Variants in MCU observed in about 807,000 individuals in gnomAD.
MCU encodes calcium uniporter protein, mitochondrial.
Under a neutral mutation model 45.2 loss-of-function variants are expected in MCU, and 12 were observed. That is an observed-to-expected ratio of 0.27 (90% CI 0.17 to 0.43). The LOEUF is 0.43. MCU is among the 20% of genes least tolerant of loss of function. The pLI, the probability that MCU is intolerant of heterozygous loss-of-function variation, is 1.00. For missense variants in MCU, 324 were observed against 436.7 expected, an observed-to-expected ratio of 0.74 and a Z score of 2.30; for synonymous variants, 160 against 165.1, an observed-to-expected ratio of 0.97 and a Z score of 0.24.
intron 1 of MCU, among the ~76,000 whole-genome samples, chr10:72,833,394 T>G (rs1364915579): frequency 6.6e-6 from 1 of 152,264 alleles, no homozygotes; most frequent in Non-Finnish European, 1.5e-5. Flanking sequence ...CTTACATTTC[T>G]GCATGCTCTT....
intron 2 of MCU, among the ~76,000 whole-genome samples, chr10:72,855,154 G>A (rs1845268277): frequency 6.6e-6 from 1 of 152,054 alleles, no homozygotes; most frequent in South Asian, 2.1e-4. Context: ...CAGGAGAATG[G>A]CTTGAACTCA....
rs1845794217 is a variant in MCU, at chr10:72,887,609, CAT to C, written c.*1788_*1789del. 6.6e-6 allele frequency: 1 copy of C among 152,658 alleles called. No individual in the cohort carries two copies. The highest frequency in any genetic ancestry group is 2.4e-5 in the African/African-American group (1 of 41,420). 9.5% of individuals were successfully genotyped at this position (152,658 alleles called of 1,614,324 possible). ...TTTAAACAAATAGCAAACTATTGAA[CAT>C]GTGTAAAATCCTGTATCATTTATGA... On this transcript the variant is annotated 3_prime_UTR_variant, in exon 8 of 8. Transcript: ENST00000373053.
At chr10:72,773,122 C>T (rs187064993) in intron 1 of MCU, among the ~76,000 whole-genome samples, 133 of 152,206 alleles carry the variant, frequency 8.7e-4, no homozygotes, top group African/African-American at 3.1e-3. Context: ...GTCTTGAATT[C>T]CTGGGCTCAA....
intron 1 of MCU, among the ~76,000 whole-genome samples, chr10:72,813,450 CTTTTTTTTTTTTTTT>C (rs71021537): frequency 1.2e-4 from 9 of 76,198 alleles, no homozygotes; most frequent in African/African-American, 4.0e-4. Flanking sequence ...CCAGCTCTCT[CTTTTTTTTTTTTTTT>C]TTTTTTTTTT....
At chr10:72,879,698 A>G (rs967980237) in intron 6 of MCU, among the ~76,000 whole-genome samples, 3 of 152,204 alleles carry the variant, frequency 2.0e-5, no homozygotes, top group Non-Finnish European at 2.9e-5. Flanking sequence ...AACTAATATT[A>G]AATGTATAAA....
chr10:72,782,726 T>G (rs967002603), intron 1 of MCU, among the ~76,000 whole-genome samples: 1 of 152,222 alleles, frequency 6.6e-6, no homozygotes, highest in African/African-American at 2.4e-5. Flanking sequence ...ATTTTAACTT[T>G]TGTTTGCTTA....
chr10:72,754,362 G>T (rs1843544807), intron 1 of MCU, among the ~76,000 whole-genome samples: 1 of 152,192 alleles, frequency 6.6e-6, no homozygotes, highest in Non-Finnish European at 1.5e-5. Context: ...ATAGCATGCT[G>T]CCAATTAATG....
chr10:72,878,111 CTTTTT>C (rs10715401), intron 6 of MCU, among the ~76,000 whole-genome samples: 1 of 77,946 alleles, frequency 1.3e-5, no homozygotes, highest in Non-Finnish European at 2.3e-5. Context: ...AATAATTTTG[CTTTTT>C]TTTTTTTTTT....
At chr10:72,782,474 G>T (rs1027000497) in intron 1 of MCU, among the ~76,000 whole-genome samples, 3 of 152,096 alleles carry the variant, frequency 2.0e-5, no homozygotes, top group African/African-American at 7.2e-5. Context: ...GGGTTCAAGC[G>T]ATTCTCATGC....
intron 1 of MCU, among the ~76,000 whole-genome samples, chr10:72,723,728 A>G (rs1589432840): frequency 6.6e-6 from 1 of 152,320 alleles, no homozygotes; most frequent in East Asian, 1.9e-4. Context: ...TGTGCTTGCA[A>G]CGTGCTTTTC....
intron 1 of MCU, among the ~76,000 whole-genome samples, chr10:72,751,352 T>C (rs1843494871): frequency 9.5e-6 from 1 of 105,528 alleles, no homozygotes; most frequent in African/African-American, 5.2e-5. Context: ...TTTTTTTTTT[T>C]TTTTTTTTTT....
chr10:72,828,101 A>C (rs942026436), intron 1 of MCU, among the ~76,000 whole-genome samples: 2 of 152,302 alleles, frequency 1.3e-5, no homozygotes, highest in Admixed American at 1.3e-4. Flanking sequence ...TAAGCACTGA[A>C]TTTTGGAGAC....
chr10:72,692,323 C>T, intron 1 of MCU, 22 bp downstream of exon 1: 1 of 1,203,408 alleles, frequency 8.3e-7, no homozygotes, highest in African/African-American at 1.6e-5. Flanking sequence ...CGCCCGGAGG[C>T]TCCGGGGAGG....
chr10:72,809,567 A>G (rs764121585), intron 1 of MCU, among the ~76,000 whole-genome samples: 4 of 152,200 alleles, frequency 2.6e-5, no homozygotes, highest in Non-Finnish European at 2.9e-5. Flanking sequence ...AGGTTTGGGA[A>G]CATATTTTAC....
chr10:72,863,886 G>T (rs553977991), intron 4 of MCU, among the ~76,000 whole-genome samples: 6 of 152,244 alleles, frequency 3.9e-5, no homozygotes, highest in African/African-American at 1.4e-4. Flanking sequence ...AAAGTGCTGG[G>T]ATTACAGGCA....
chr10:72,692,840 G>C, intron 1 of MCU: 3 of 1,429,236 alleles, frequency 2.1e-6, no homozygotes, highest in Non-Finnish European at 2.7e-6. Flanking sequence ...CGAGGGGTCG[G>C]GCAGGAAGGA....
intron 1 of MCU, among the ~76,000 whole-genome samples, chr10:72,767,514 G>T (rs1249042589): frequency 6.6e-6 from 1 of 151,916 alleles, no homozygotes; most frequent in Non-Finnish European, 1.5e-5. Context: ...ATTTAACTGT[G>T]TTTTAATTTT....
intron 2 of MCU, among the ~76,000 whole-genome samples, chr10:72,853,819 A>G (rs1407702095): frequency 6.6e-6 from 1 of 151,908 alleles, no homozygotes; most frequent in East Asian, 1.9e-4. Context: ...CCTGGGCAAC[A>G]TAGTGAGACC....
chr10:72,778,371 G>A (rs552604675), intron 1 of MCU, among the ~76,000 whole-genome samples: 1 of 152,274 alleles, frequency 6.6e-6, no homozygotes, highest in Admixed American at 6.5e-5. Flanking sequence ...CCTGTCATTT[G>A]CAGCAACATG....
Sources: allele counts gnomAD v4.1 joint callset (sites outside exome capture counted in the v4.1 genomes callset), GRCh38; gene constraint gnomAD v4.1.1; transcripts MANE v1.5; gene names NCBI Gene and HGNC (gene_info 2026-07-23, HGNC 2026-07-21).